The following CDK12 variants were observed in gnomAD, a reference collection of about 807,000 sequenced individuals.
CDK12 encodes the protein cyclin dependent kinase 12.
A neutral mutation model predicts 133.8 loss-of-function variants in CDK12; 17 were observed. The ratio of observed to expected loss-of-function variants is 0.13; its 90% CI spans 0.09 to 0.19. The LOEUF (loss-of-function observed/expected upper bound fraction) is 0.19. CDK12 is among the 10% of genes least tolerant of loss of function. The pLI, the probability that CDK12 is intolerant of heterozygous loss-of-function variation, is 1.00. For synonymous variants in CDK12, 694 were observed against 683.6 expected (o/e 1.02, Z -0.24); for missense variants, 1,508 against 1,818.7 (o/e 0.83, Z 3.11).
Position 39,488,244 on chromosome 17 carries a change from A to G in CDK12, c.1932-2313A>G, listed in dbSNP as rs561565194. On this transcript the variant is annotated intron_variant, in intron 2 of 13. Transcript: ENST00000447079. The stretch of plus-strand genomic sequence containing the variant: ...GTGAGTCCCTGTCTCAAAAAAAAAA[A>G]AAGATTGAAAACTGACTTTTCTGAT... 1.1e-4 allele frequency among the ~76,000 whole-genome samples: 17 copies of G among 152,158 alleles called. 1 individual carries two copies. Among genetic ancestry groups the G allele is most frequent in the Middle Eastern group, 6.8e-3 (2 of 294 alleles).
rs1320192114 is a variant in CDK12, at chr17:39,526,274, G to T, written c.3718G>T (p.Gly1240Trp). ...CAGTGACAAGAACAGTGGGCCACAG[G>T]GGCCCCGAAGAACTCCCACAATGCC... ...NNSDKNSGPQ[G>W]PRRTPTMPQE... The change falls in exon 13 of 14, where the codon GGG becomes TGG. Residue 1240 changes from glycine to tryptophan, a missense_variant. Around this residue, in one of 9 missense-constraint regions of CDK12, gnomAD observed 399 missense variants for 469.6 expected, o/e 0.85. Transcript: ENST00000447079. 1.2e-6 allele frequency: 2 copies of T among 1,604,138 alleles called. No individual in the cohort carries two copies. The highest frequency in any genetic ancestry group is 2.2e-5 in the South Asian group (2 of 89,562).
At chr17:39,518,516 A>T (rs1238467993) in intron 10 of CDK12, among the ~76,000 whole-genome samples, 1 of 151,864 alleles carries the variant, frequency 6.6e-6, no homozygotes. Flanking sequence ...TTTTCTTCTT[A>T]CTTTTTTCCC....
At chr17:39,484,942 G>A (rs1444438610) in intron 2 of CDK12, among the ~76,000 whole-genome samples, 1 of 151,930 alleles carries the variant, frequency 6.6e-6, no homozygotes, top group Admixed American at 6.6e-5. Context: ...AGGCCGAGGC[G>A]GGCGGATCAC....
At chr17:39,487,516 G>A (rs1374576732) in intron 2 of CDK12, among the ~76,000 whole-genome samples, 1 of 151,586 alleles carries the variant, frequency 6.6e-6, no homozygotes, top group South Asian at 2.1e-4. Context: ...AAGGAATAGA[G>A]AAGACCTATC....
intron 13 of CDK12, among the ~76,000 whole-genome samples, chr17:39,527,341 G>A (rs1351623962): frequency 6.6e-6 from 1 of 152,188 alleles, no homozygotes; most frequent in Non-Finnish European, 1.5e-5. Flanking sequence ...TTCAGCTGAT[G>A]CCTCTACAGT....
chr17:39,501,913 C>T (rs1290253952), intron 6 of CDK12, among the ~76,000 whole-genome samples: 1 of 150,754 alleles, frequency 6.6e-6, no homozygotes. Flanking sequence ...GGCGTGATCT[C>T]GTCTCACTGC....
intron 2 of CDK12, among the ~76,000 whole-genome samples, chr17:39,555,667 A>G (rs937408321): frequency 1.3e-5 from 2 of 151,582 alleles, no homozygotes; most frequent in African/African-American, 4.9e-5. Flanking sequence ...GGTGTAAGCA[A>G]ATGTAGGGAG....
chr17:39,483,536 T>C (rs1177639247), intron 2 of CDK12, among the ~76,000 whole-genome samples: 1 of 152,034 alleles, frequency 6.6e-6, no homozygotes, highest in Non-Finnish European at 1.5e-5. Context: ...AGTGCTAGGA[T>C]TACAGGCATG....
intron 2 of CDK12, among the ~76,000 whole-genome samples, chr17:39,555,802 T>C (rs1459105701): frequency 2.7e-5 from 4 of 147,038 alleles, no homozygotes; most frequent in Admixed American, 2.1e-4. Flanking sequence ...GAGACCAGCC[T>C]GGGAAACATA....
intron 2 of CDK12, among the ~76,000 whole-genome samples, chr17:39,552,787 G>A (rs895517426): frequency 2.6e-5 from 4 of 152,200 alleles, no homozygotes; most frequent in African/African-American, 9.6e-5. Context: ...AGAGTGCAGT[G>A]GCGTGATCTC....
At chr17:39,520,488 T>C (rs1262940431) in intron 11 of CDK12, among the ~76,000 whole-genome samples, 1 of 152,110 alleles carries the variant, frequency 6.6e-6, no homozygotes, top group Non-Finnish European at 1.5e-5. Context: ...TCTGCAGGGT[T>C]CAAGCGATTC....
intron 1 of CDK12, among the ~76,000 whole-genome samples, chr17:39,470,417 AG>A (rs780957781): frequency 6.6e-6 from 1 of 152,172 alleles, no homozygotes; most frequent in Non-Finnish European, 1.5e-5. Flanking sequence ...TACCGTGCCC[AG>A]CCAGTTTAAT....
At chr17:39,467,884 CA>C (rs2049467827) in intron 1 of CDK12, among the ~76,000 whole-genome samples, 1 of 151,570 alleles carries the variant, frequency 6.6e-6, no homozygotes, top group African/African-American at 2.4e-5. Flanking sequence ...TTGATTCCAA[CA>C]ATATTTTTAG....
chr17:39,523,738 C>T (rs1437721945), intron 11 of CDK12, among the ~76,000 whole-genome samples: 1 of 151,734 alleles, frequency 6.6e-6, no homozygotes, highest in Non-Finnish European at 1.5e-5. Flanking sequence ...ACTGCAGCCT[C>T]CACCTCCCAG....
intron 10 of CDK12, 108 bp from the exon 11 acceptor site, chr17:39,519,848 C>A: frequency 7.7e-7 from 1 of 1,303,676 alleles, no homozygotes; most frequent in Non-Finnish European, 1.1e-6. Context: ...CCTACCTTGG[C>A]CTCCCAAAGT....
chr17:39,518,072 A>G (rs1216473691), intron 10 of CDK12, among the ~76,000 whole-genome samples: 1 of 151,416 alleles, frequency 6.6e-6, no homozygotes, highest in Non-Finnish European at 1.5e-5. Context: ...CTGCCCCCCA[A>G]GTTCAAGTGA....
chr17:39,512,372 CA>C (rs2053554659), intron 8 of CDK12, among the ~76,000 whole-genome samples: 1 of 152,166 alleles, frequency 6.6e-6, no homozygotes, highest in South Asian at 2.1e-4. Context: ...GTACTTCTAA[CA>C]AAAGTTATAT....
Position 39,531,174 on chromosome 17 carries a change from G to A in CDK12, c.4331G>A (p.Gly1444Glu). 1 of 1,524,132 alleles carries A rather than the reference G, an allele frequency of 6.6e-7. No homozygotes were observed. The highest frequency in any genetic ancestry group is 1.4e-5 in the African/African-American group (1 of 71,994). The allele number at this position is 1,524,132 out of a possible 1,614,324, so 94.4% of individuals were successfully genotyped here. A position where few individuals can be genotyped will look rare whatever the true frequency, so the allele number is the denominator to read the frequency against. The change falls in exon 14 of 14, where the codon GGG (glycine) becomes GAG (glutamate). Residue 1444 changes from glycine to glutamate, a missense_variant. Around this residue, in one of 9 missense-constraint regions of CDK12, gnomAD observed 114 missense variants for 101.2 expected, o/e 1.13. Coordinates refer to ENST00000447079, the MANE Select transcript of CDK12 (RefSeq NM_016507.4). ...AAATTGCAAAACTATGGGGAGCTGG[G>A]GCCAGGAACCACTGGGGCCAGCAGC... ...ETKLQNYGELGPGTTGASSSG... is the reference protein window; with the variant it reads ...ETKLQNYGELEPGTTGASSSG...
Position 39,520,009 on chromosome 17 carries a change from G to A in CDK12, c.3017G>A (p.Ser1006Asn), listed in dbSNP as rs923488496. Residue 1006 changes from serine to asparagine, a missense_variant, in exon 11 of 14, where the codon AGT (serine) becomes AAT (asparagine). Ser to Asn is a conservative substitution (Grantham distance 46, BLOSUM62 1). Around this residue, in one of 9 missense-constraint regions of CDK12, gnomAD observed 82 missense variants for 201.5 expected, o/e 0.41. Coordinates refer to ENST00000447079, the MANE Select transcript of CDK12 (RefSeq NM_016507.4). ...LLDHMLTLDP[S>N]KRCTAEQTLQ... is the part of the protein sequence containing the mutation. ...GACCACATGCTGACACTAGATCCTA[G>A]TAAGCGGTGCACAGCTGAACAGACC... 1.9e-6 allele frequency: 3 copies of A among 1,614,072 alleles called. No individual in the cohort carries two copies. The Admixed American group carries it at 5.0e-5, about 27-fold the overall frequency.
Sources: allele counts gnomAD v4.1 joint callset (sites outside exome capture counted in the v4.1 genomes callset), GRCh38; gene constraint gnomAD v4.1.1; regional missense constraint gnomAD v4.1.1; transcripts MANE v1.5; gene names NCBI Gene and HGNC (gene_info 2026-07-23, HGNC 2026-07-21).